NEGR1: variants seen among roughly 807,000 people sequenced by gnomAD.
The protein encoded by NEGR1 is IgLON family member 4.
Under a neutral mutation model 40.9 loss-of-function variants are expected in NEGR1, and 10 were observed. The observed-to-expected ratio is 0.24, with a 90% CI of 0.15 to 0.42. The LOEUF (loss-of-function observed/expected upper bound fraction) is 0.42. Among genes scored for constraint, NEGR1 ranks in the 10% least tolerant of loss-of-function variants. NEGR1 has a pLI of 1.00. For missense variants in NEGR1, 352 were observed against 438.9 expected, an observed-to-expected ratio of 0.80 and a Z score of 1.77; for synonymous variants, 185 against 166.8, an observed-to-expected ratio of 1.11 and a Z score of -0.84.
At chr1:71,853,132 C>CA (rs1415762131) in intron 2 of NEGR1, among the ~76,000 whole-genome samples, 85 of 152,004 alleles carry the variant, frequency 5.6e-4, no homozygotes, top group Admixed American at 7.9e-4. Context: ...ATATTATATT[C>CA]TTATATCTAT....
At chr1:72,188,314 A>C (rs925085337) in intron 1 of NEGR1, among the ~76,000 whole-genome samples, 1 of 151,336 alleles carries the variant, frequency 6.6e-6, no homozygotes, top group Non-Finnish European at 1.5e-5. Flanking sequence ...ATGAACATAA[A>C]TTTTTCCTTT....
intron 1 of NEGR1, among the ~76,000 whole-genome samples, chr1:72,114,181 G>A (rs1229966747): frequency 6.6e-6 from 1 of 151,466 alleles, no homozygotes; most frequent in Middle Eastern, 3.2e-3. Flanking sequence ...TTTTTTAGAT[G>A]AGATTAACAT....
At chr1:71,881,123 C>G (rs1030847570) in intron 2 of NEGR1, among the ~76,000 whole-genome samples, 1 of 151,966 alleles carries the variant, frequency 6.6e-6, no homozygotes, top group Non-Finnish European at 1.5e-5. Context: ...AAAATCCTTC[C>G]TACAGTACAG....
chr1:71,497,949 T>C (rs1646975904), intron 6 of NEGR1, among the ~76,000 whole-genome samples: 2 of 152,048 alleles, frequency 1.3e-5, no homozygotes, highest in East Asian at 1.9e-4. Flanking sequence ...TTTAGCTTTT[T>C]CCATTGCAGA....
At chr1:71,436,909 A>AG (rs1239469314) in intron 6 of NEGR1, among the ~76,000 whole-genome samples, 1 of 152,212 alleles carries the variant, frequency 6.6e-6, no homozygotes, top group African/African-American at 2.4e-5. Context: ...GTCATCAGTA[A>AG]GGCTTCTAGC....
intron 4 of NEGR1, among the ~76,000 whole-genome samples, chr1:71,626,896 T>G (rs1250019550): frequency 2.0e-5 from 3 of 152,008 alleles, no homozygotes; most frequent in Non-Finnish European, 4.4e-5. Flanking sequence ...CATGAAAAAA[T>G]GCTCATCATC....
At chr1:72,235,605 CAT>C (rs1355540402) in intron 1 of NEGR1, among the ~76,000 whole-genome samples, 6 of 151,862 alleles carry the variant, frequency 4.0e-5, no homozygotes, top group Middle Eastern at 3.4e-3. Flanking sequence ...AAGGAGGAAA[CAT>C]GTTATTTAAA....
chr1:71,607,658 C>A (rs557616369), intron 5 of NEGR1, among the ~76,000 whole-genome samples: 2 of 152,246 alleles, frequency 1.3e-5, no homozygotes, highest in Admixed American at 6.5e-5. Context: ...ATAGCAGGTG[C>A]TTGCTAAATA....
rs185662716 is a variant in NEGR1, at chr1:72,115,998, T to A, written c.176+166321A>T. Among the ~76,000 whole-genome samples, 374 of 151,872 alleles carry A rather than the reference T, an allele frequency of 2.5e-3. 1 individual carries two copies. Among genetic ancestry groups the A allele is most frequent in the African/African-American group, 8.6e-3 (355 of 41,486 alleles). On this transcript the variant is annotated intron_variant, in intron 1 of 6. Transcript: ENST00000357731. ...GTGTACTTTTATGTGTAGCCTAAATTTAAAACATTTATGCAAATGTTAATT... is the reference window on the plus strand; with the variant it reads ...GTGTACTTTTATGTGTAGCCTAAATATAAAACATTTATGCAAATGTTAATT...
rs1175293434 is a variant in NEGR1 at position 71,398,525 on chromosome 1, C to A, written c.*8921G>T. The A allele has an allele frequency of 6.6e-6, 1 of 152,228 alleles. No individual in the cohort carries two copies. The highest frequency in any genetic ancestry group is 1.5e-5 in the Non-Finnish European group (1 of 68,094). The allele number at this position is 152,228 out of a possible 1,614,324, so 9.4% of individuals were successfully genotyped here. On this transcript the variant is annotated 3_prime_UTR_variant, in exon 7 of 7. Coordinates refer to ENST00000357731, the MANE Select transcript of NEGR1 (RefSeq NM_173808.3). ...TTCCACTTGGAATGGCTATGCTTAC[C>A]CAATGCCTGTACTTCCATTGCATCT...
intron 6 of NEGR1, among the ~76,000 whole-genome samples, chr1:71,493,221 T>C (rs537482463): frequency 6.6e-6 from 1 of 152,238 alleles, no homozygotes; most frequent in East Asian, 1.9e-4. Context: ...CTCCCTCATC[T>C]AAATCATTCT....
intron 6 of NEGR1, among the ~76,000 whole-genome samples, chr1:71,450,627 T>C (rs1646620300): frequency 6.6e-6 from 1 of 151,120 alleles, no homozygotes; most frequent in South Asian, 2.1e-4. Flanking sequence ...GCCAACAGGG[T>C]GAAATCCTGT....
chr1:71,432,507 G>C (rs1390469444), intron 6 of NEGR1, among the ~76,000 whole-genome samples: 3 of 152,100 alleles, frequency 2.0e-5, no homozygotes. Flanking sequence ...GTAGGCTCTA[G>C]AAGGGACTTT....
chr1:72,191,584 T>A (rs914438658), intron 1 of NEGR1, among the ~76,000 whole-genome samples: 3 of 151,886 alleles, frequency 2.0e-5, no homozygotes, highest in Non-Finnish European at 4.4e-5. Flanking sequence ...TACTTCATTA[T>A]AAATAACTCC....
chr1:71,776,818 A>C (rs1044279349), intron 2 of NEGR1, among the ~76,000 whole-genome samples: 1 of 152,234 alleles, frequency 6.6e-6, no homozygotes, highest in Non-Finnish European at 1.5e-5. Flanking sequence ...TCTGCCAGGT[A>C]GTAGGGCTAG....
intron 4 of NEGR1, among the ~76,000 whole-genome samples, chr1:71,640,876 A>G (rs1177564433): frequency 1.4e-5 from 2 of 141,124 alleles, no homozygotes; most frequent in Non-Finnish European, 3.1e-5. Context: ...AGTGCCCAGA[A>G]CTAGGAGTTC....
chr1:71,613,536 G>A (rs1018263198), intron 4 of NEGR1, among the ~76,000 whole-genome samples: 1 of 151,828 alleles, frequency 6.6e-6, no homozygotes, highest in Non-Finnish European at 1.5e-5. Flanking sequence ...AATCCCAGCT[G>A]AAGCGGGAGG....
chr1:71,850,375 T>C (rs187426988), intron 2 of NEGR1, among the ~76,000 whole-genome samples: 192 of 152,026 alleles, frequency 1.3e-3, no homozygotes, highest in Middle Eastern at 3.4e-3. Context: ...AAGCTGGTCT[T>C]GAGTTCCTGG....
At chr1:72,282,269 GAC>G (rs751808360) in intron 1 of NEGR1, 48 bp downstream of exon 1, 7 of 1,601,748 alleles carry the variant, frequency 4.4e-6, no homozygotes, top group Non-Finnish European at 6.0e-6. Flanking sequence ...TTCAAAGAGA[GAC>G]AGAAAGATAG....
Sources: gnomAD v4.1 joint callset for allele counts (sites outside exome capture counted in the v4.1 genomes callset) on GRCh38, gnomAD v4.1.1 for gene constraint, MANE v1.5 for transcripts, NCBI Gene and HGNC (gene_info 2026-07-23, HGNC 2026-07-21) for gene names.